The following MAF variants were observed in gnomAD, a reference collection of about 807,000 sequenced individuals.
The protein encoded by MAF is transcription factor Maf.
A neutral mutation model predicts 22.0 loss-of-function variants in MAF; 10 were observed. The ratio of observed to expected loss-of-function variants is 0.45; its 90% CI spans 0.28 to 0.77. The LOEUF (loss-of-function observed/expected upper bound fraction) is 0.77, where lower values mean the gene tolerates loss of function less well. MAF is among the 30% of genes least tolerant of loss of function. The pLI is 0.12. For synonymous variants in MAF, 337 were observed against 255.8 expected (o/e 1.32, Z -3.03); for missense variants, 544 against 548.4 (o/e 0.99, Z 0.08).
the MAF span, among the ~76,000 whole-genome samples, chr16:79,382,355 T>G: frequency 3.9e-5 from 6 of 152,350 alleles, no homozygotes; most frequent in African/African-American, 1.4e-4. Context: ...GCATAGGTTT[T>G]ATATCAGATC....
chr16:79,234,663 T>C, the MAF span, among the ~76,000 whole-genome samples: 1 of 152,072 alleles, frequency 6.6e-6, no homozygotes, highest in Non-Finnish European at 1.5e-5. Flanking sequence ...CCCACACCTT[T>C]GTCCTAGCAG....
At chr16:79,504,782 T>C in the MAF span, among the ~76,000 whole-genome samples, 1 of 152,218 alleles carries the variant, frequency 6.6e-6, no homozygotes, top group African/African-American at 2.4e-5. Context: ...AAAGAAGCTG[T>C]TCTCTGTATT....
the MAF span, among the ~76,000 whole-genome samples, chr16:79,348,697 T>C: frequency 1.3e-5 from 2 of 152,164 alleles, no homozygotes; most frequent in Non-Finnish European, 2.9e-5. Flanking sequence ...CATGGCGACA[T>C]GGTCAGGGCG....
chr16:79,525,997 A>G, the MAF span, among the ~76,000 whole-genome samples: 16 of 152,248 alleles, frequency 1.1e-4, no homozygotes, highest in African/African-American at 3.9e-4. Context: ...TCTGTATGAC[A>G]GACAGTAAGT....
chr16:79,463,135 G>T, the MAF span, among the ~76,000 whole-genome samples: 113 of 152,304 alleles, frequency 7.4e-4, no homozygotes, highest in East Asian at 0.018. Flanking sequence ...GCTTGAGGTG[G>T]AGATGAGCTT....
the MAF span, among the ~76,000 whole-genome samples, chr16:79,378,610 T>A: frequency 5.9e-5 from 9 of 152,312 alleles, no homozygotes; most frequent in Admixed American, 1.3e-4. Context: ...AATGAGGGAA[T>A]AAATGTTTAC....
At chr16:79,321,944 T>C in the MAF span, among the ~76,000 whole-genome samples, 1 of 152,002 alleles carries the variant, frequency 6.6e-6, no homozygotes, top group South Asian at 2.1e-4. Context: ...TAAAAAAAGG[T>C]CTTTGGACCT....
chr16:79,376,902 T>C, the MAF span, among the ~76,000 whole-genome samples: 1 of 152,254 alleles, frequency 6.6e-6, no homozygotes, highest in Non-Finnish European at 1.5e-5. Flanking sequence ...ATATGCCACA[T>C]TTTCTTAATC....
chr16:79,545,083 C>A, the MAF span, among the ~76,000 whole-genome samples: 1 of 152,150 alleles, frequency 6.6e-6, no homozygotes, highest in Non-Finnish European at 1.5e-5. Context: ...GCATGCATTT[C>A]TGTTGTTTGT....
At chr16:79,527,840 A>G in the MAF span, among the ~76,000 whole-genome samples, 1 of 152,154 alleles carries the variant, frequency 6.6e-6, no homozygotes, top group African/African-American at 2.4e-5. Flanking sequence ...CAAGAGGATG[A>G]TGGTTTTAAA....
the MAF span, among the ~76,000 whole-genome samples, chr16:79,514,745 A>C: frequency 6.6e-6 from 1 of 152,148 alleles, no homozygotes; most frequent in Non-Finnish European, 1.5e-5. Context: ...GGCCTCTATC[A>C]ATCAGGGACT....
chr16:79,360,299 C>T, the MAF span, among the ~76,000 whole-genome samples: 1 of 152,194 alleles, frequency 6.6e-6, no homozygotes, highest in Non-Finnish European at 1.5e-5. Flanking sequence ...GGGAATCTCA[C>T]CTGGCCTTGT....
the MAF span, among the ~76,000 whole-genome samples, chr16:79,293,516 G>A: frequency 6.6e-6 from 1 of 152,112 alleles, no homozygotes; most frequent in African/African-American, 2.4e-5. Flanking sequence ...AAACTTGGAG[G>A]TATATGCAAT....
chr16:79,493,032 C>T, the MAF span, among the ~76,000 whole-genome samples: 2 of 151,924 alleles, frequency 1.3e-5, no homozygotes, highest in Non-Finnish European at 2.9e-5. Flanking sequence ...AACCTCAGCT[C>T]ACTGCAACCT....
the MAF span, among the ~76,000 whole-genome samples, chr16:79,266,593 C>T: frequency 6.6e-6 from 1 of 152,170 alleles, no homozygotes; most frequent in African/African-American, 2.4e-5. Flanking sequence ...CAAGATCTTT[C>T]CTCACCTCTG....
chr16:79,491,470 G>C, the MAF span, among the ~76,000 whole-genome samples: 4 of 152,058 alleles, frequency 2.6e-5, no homozygotes, highest in Non-Finnish European at 4.4e-5. Context: ...TCGCAGTCTC[G>C]AGTCCCAGTC....
chr16:79,211,034 A>AGTGAGTGTGTGT, the MAF span, among the ~76,000 whole-genome samples: 1 of 149,602 alleles, frequency 6.7e-6, no homozygotes, highest in African/African-American at 2.5e-5. Context: ...TATGGTGAGG[A>AGTGAGTGTGTGT]GTGTGTGTGT....
the MAF span, among the ~76,000 whole-genome samples, chr16:79,442,853 G>A: frequency 2.0e-5 from 3 of 152,226 alleles, no homozygotes; most frequent in Non-Finnish European, 4.4e-5. Context: ...ACACCCAACA[G>A]ATCTGGGGAA....
chr16:79,343,951 A>G, the MAF span, among the ~76,000 whole-genome samples: 1 of 152,208 alleles, frequency 6.6e-6, no homozygotes, highest in Non-Finnish European at 1.5e-5. Flanking sequence ...GCATTTATGC[A>G]TCCTCTGAAA....
Sources: allele counts gnomAD v4.1 joint callset (sites outside exome capture counted in the v4.1 genomes callset), GRCh38; gene constraint gnomAD v4.1.1; transcripts MANE v1.5; gene names NCBI Gene and HGNC (gene_info 2026-07-23, HGNC 2026-07-21).